Variants in WNK2 observed in about 807,000 individuals in gnomAD.
WNK2 encodes the protein serine/threonine-protein kinase WNK2.
WNK2 carries 67 observed loss-of-function variants against 192.1 expected under a neutral mutation model. That is an observed-to-expected ratio of 0.35 (90% CI 0.29 to 0.43). The LOEUF (loss-of-function observed/expected upper bound fraction) is 0.43. Among genes scored for constraint, WNK2 ranks in the 20% least tolerant of loss-of-function variants. WNK2 has a pLI of 1.00. For missense variants in WNK2, 2,698 were observed against 3,089.7 expected, an observed-to-expected ratio of 0.87 and a Z score of 3.01; for synonymous variants, 1,439 against 1,393.9, an observed-to-expected ratio of 1.03 and a Z score of -0.72.
chr9:93,256,070 G>C (rs1214769873), intron 9 of WNK2, among the ~76,000 whole-genome samples: 1 of 152,114 alleles, frequency 6.6e-6, no homozygotes, highest in Non-Finnish European at 1.5e-5. Context: ...ATGTTCTGTG[G>C]GGCTGATGTG....
At chr9:93,209,166 G>C (rs1160087978) in intron 2 of WNK2, among the ~76,000 whole-genome samples, 1 of 152,192 alleles carries the variant, frequency 6.6e-6, no homozygotes, top group Non-Finnish European at 1.5e-5. Flanking sequence ...GGAATGTGGT[G>C]GTGGGGCCAG....
intron 5 of WNK2, among the ~76,000 whole-genome samples, chr9:93,236,306 A>G (rs1368796568): frequency 3.3e-5 from 5 of 152,060 alleles, no homozygotes; most frequent in African/African-American, 1.2e-4. Context: ...GGGGGTGTAC[A>G]CTACTGGGCA....
chr9:93,189,493 A>G (rs562182083), intron 2 of WNK2, among the ~76,000 whole-genome samples: 1 of 152,306 alleles, frequency 6.6e-6, no homozygotes, highest in Admixed American at 6.5e-5. Flanking sequence ...TGCCACCCAG[A>G]GGGGGCAGGG....
intron 19 of WNK2, among the ~76,000 whole-genome samples, chr9:93,286,143 A>C (rs1020276350): frequency 6.6e-6 from 1 of 152,210 alleles, no homozygotes; most frequent in African/African-American, 2.4e-5. Context: ...ATGCAAATGG[A>C]AAGACTGGCT....
chr9:93,195,038 G>C lies in WNK2; in HGVS notation c.681+9428G>C, dbSNP rs79961979. ...GAAGACAGTTAAAAAAAAAAAAAAAGTTCAGTGGTTGCCAGGGATTAGAGG... is the reference window on the plus strand; with the variant it reads ...GAAGACAGTTAAAAAAAAAAAAAAACTTCAGTGGTTGCCAGGGATTAGAGG... On this transcript the variant is annotated intron_variant, in intron 2 of 29. Coordinates refer to ENST00000427277, the MANE Select transcript of WNK2 (RefSeq NM_006648.4). Among the ~76,000 whole-genome samples, 399 of 146,566 alleles carry C rather than the reference G, an allele frequency of 2.7e-3. 1 individual carries two copies. Among genetic ancestry groups the C allele is most frequent in the African/African-American group, 0.01 (388 of 38,450 alleles).
chr9:93,212,143 AATTC>A (rs536358695), intron 2 of WNK2, among the ~76,000 whole-genome samples: 8 of 152,202 alleles, frequency 5.3e-5, no homozygotes, highest in Non-Finnish European at 8.8e-5. Flanking sequence ...CTGGCTTATT[AATTC>A]ATTCACCTAA....
chr9:93,320,238 G>C lies in WNK2; in HGVS notation c.6629-129G>C. The C allele has an allele frequency of 5.0e-6, 5 of 1,004,984 alleles. No individual in the cohort carries two copies. In the South Asian group the frequency reaches 6.8e-5, roughly 14 times the overall value. The allele number at this position is 1,004,984 out of a possible 1,614,324, so 62.3% of individuals were successfully genotyped here. Reference sequence around the variant, plus strand: ...CTGAGGACAAGACCATCTACACAGGGCGTGGGTCATGGCAGAGCTGGCGCA... The same window carrying C: ...CTGAGGACAAGACCATCTACACAGGCCGTGGGTCATGGCAGAGCTGGCGCA... On this transcript the variant is annotated intron_variant, in intron 29 of 29. Coordinates refer to ENST00000427277, the MANE Select transcript of WNK2 (RefSeq NM_006648.4).
chr9:93,262,249 C>T lies in WNK2; in HGVS notation c.3360+142C>T, dbSNP rs117358191. ...CACCCAGGTTCTGTTCTCACCTCTC[C>T]CTAGATTTCACACTTTCTGTAAGCC... On this transcript the variant is annotated intron_variant, in intron 13 of 29. Transcript: ENST00000427277. The T allele has an allele frequency of 5.2e-3, 5,339 of 1,031,258 alleles. 26 individuals are homozygous for T. The highest frequency in any genetic ancestry group is 6.0e-3 in the Non-Finnish European group (4,394 of 729,230). The allele number at this position is 1,031,258 out of a possible 1,614,324, so 63.9% of individuals were successfully genotyped here.
At chr9:93,290,075 T>C (rs1024542222) in intron 21 of WNK2, 28 bp downstream of exon 21, 5 of 1,551,450 alleles carry the variant, frequency 3.2e-6, no homozygotes, top group Admixed American at 1.9e-5. Context: ...AACCCTGCGT[T>C]CACAAGGTGC....
intron 28 of WNK2, chr9:93,308,785 G>C: frequency 7.0e-7 from 1 of 1,424,862 alleles, no homozygotes. Flanking sequence ...CAGCTCCGCA[G>C]CTGGCAGGTG....
At position 93,268,559 on chromosome 9, in the gene WNK2, G is replaced by A. The variant is rs1845527912; in HGVS notation, c.3914-68G>A. The A allele has an allele frequency of 2.6e-6, 4 of 1,558,536 alleles. No homozygotes were observed. The Admixed American group carries it at 5.7e-5, about 22-fold the overall frequency. On this transcript the variant is annotated intron_variant, in intron 18 of 29. Coordinates refer to ENST00000427277, the MANE Select transcript of WNK2 (RefSeq NM_006648.4). ...CCACTGTGGCAAGTCTGGTGCAGGT[G>A]ATGGGGGTCACACTGGCCTGGAAAG...
chr9:93,186,728 C>T (rs934411169), intron 2 of WNK2, among the ~76,000 whole-genome samples: 3 of 152,212 alleles, frequency 2.0e-5, no homozygotes, highest in Non-Finnish European at 4.4e-5. Context: ...TGTGTGCAAG[C>T]CTGGATAATT....
intron 26 of WNK2, 57 bp from the exon 27 acceptor site, chr9:93,306,720 A>C: frequency 1.2e-6 from 2 of 1,605,980 alleles, no homozygotes; most frequent in Non-Finnish European, 1.7e-6. Context: ...AGCGTGTCCC[A>C]GTGTGTGCTG....
intron 27 of WNK2, 84 bp downstream of exon 27, chr9:93,306,905 CGGGCGGGCGTG>C (rs1208315254): frequency 6.4e-5 from 101 of 1,586,054 alleles, no homozygotes; most frequent in Non-Finnish European, 2.6e-5. Context: ...TTCCCGCGGC[CGGGCGGGCGTG>C]GGCCTGCCCT....
At chr9:93,221,795 C>T (rs999102081) in intron 2 of WNK2, among the ~76,000 whole-genome samples, 3 of 152,132 alleles carry the variant, frequency 2.0e-5, no homozygotes, top group East Asian at 1.9e-4. Flanking sequence ...GGAAGAGCCG[C>T]GTCGTGTCCA....
Position 93,292,864 on chromosome 9 carries a change from G to A in WNK2, c.5399G>A (p.Gly1800Asp). 2.0e-6 allele frequency: 3 copies of A among 1,493,904 alleles called. No homozygotes were observed. In the South Asian group the frequency reaches 3.9e-5, roughly 20 times the overall value. 92.5% of individuals were successfully genotyped at this position (1,493,904 alleles called of 1,614,324 possible). The change falls in exon 23 of 30, where the codon GGC (glycine) becomes GAC (aspartate). Residue 1800 changes from glycine to aspartate, a missense_variant. Physicochemically the swap from Gly to Asp is moderately conservative, Grantham distance 94 (BLOSUM62 -1). Coordinates refer to ENST00000427277, the MANE Select transcript of WNK2 (RefSeq NM_006648.4). ...CAGACGGCCTCCTCCATCGAGGTCG[G>A]CGTGGGCGAGCCCGTGTCCAGCGAC... ...RAQTASSIEVGVGEPVSSDSG... is the reference protein window; with the variant it reads ...RAQTASSIEVDVGEPVSSDSG...
intron 19 of WNK2, among the ~76,000 whole-genome samples, chr9:93,283,062 A>C (rs1185661687): frequency 1.3e-5 from 2 of 152,242 alleles, no homozygotes; most frequent in Non-Finnish European, 2.9e-5. Context: ...GCAAAGAAGA[A>C]ATTACAATGG....
At chr9:93,218,211 C>T (rs1424702050) in intron 2 of WNK2, among the ~76,000 whole-genome samples, 1 of 152,146 alleles carries the variant, frequency 6.6e-6, no homozygotes, top group Non-Finnish European at 1.5e-5. Flanking sequence ...CTGTGGAACT[C>T]CACAGGATTC....
At chr9:93,260,269 G>A (rs1204843806) in intron 12 of WNK2, among the ~76,000 whole-genome samples, 1 of 152,174 alleles carries the variant, frequency 6.6e-6, no homozygotes, top group African/African-American at 2.4e-5. Flanking sequence ...CTCATGTTTT[G>A]GGGCTTGCAG....
Sources: gnomAD v4.1 joint callset for allele counts (sites outside exome capture counted in the v4.1 genomes callset) on GRCh38, gnomAD v4.1.1 for gene constraint, MANE v1.5 for transcripts, NCBI Gene and HGNC (gene_info 2026-07-23, HGNC 2026-07-21) for gene names.